Variants in MBNL1 observed in about 807,000 individuals in gnomAD.
MBNL1 encodes the protein muscleblind like splicing regulator 1.
In MBNL1, 8 loss-of-function variants were observed where a neutral mutation model predicts 42.2. The observed-to-expected ratio is 0.19, with a 90% CI of 0.11 to 0.34. The LOEUF (loss-of-function observed/expected upper bound fraction) is 0.34. Among genes scored for constraint, MBNL1 ranks in the 10% least tolerant of loss-of-function variants. The probability of loss-of-function intolerance (pLI) is 1.00; values close to 1 mark genes in which losing one functional copy is unlikely to be tolerated. For missense variants in MBNL1, 309 were observed against 495.3 expected, an observed-to-expected ratio of 0.62 and a Z score of 3.57; for synonymous variants, 169 against 173.9, an observed-to-expected ratio of 0.97 and a Z score of 0.22.
chr3:152,435,407 T>C (rs2099065669), intron 4 of MBNL1, among the ~76,000 whole-genome samples: 1 of 152,236 alleles, frequency 6.6e-6, no homozygotes, highest in African/African-American at 2.4e-5. Flanking sequence ...GTGTGTCTTT[T>C]TTTGCACCAG....
chr3:152,457,103 G>A (rs971032660), intron 8 of MBNL1, among the ~76,000 whole-genome samples: 9 of 151,936 alleles, frequency 5.9e-5, no homozygotes, highest in Admixed American at 5.9e-4. Flanking sequence ...TAAATTTTAT[G>A]ATATACAATA....
At chr3:152,430,165 T>C (rs138950909) in intron 3 of MBNL1, among the ~76,000 whole-genome samples, 2,586 of 152,352 alleles carry the variant, frequency 0.017, 73 homozygotes, top group African/African-American at 0.059. Context: ...CTGCATCATA[T>C]GCATTTTTAG....
intron 4 of MBNL1, among the ~76,000 whole-genome samples, chr3:152,436,721 T>G (rs1156512883): frequency 2.0e-5 from 3 of 152,234 alleles, no homozygotes; most frequent in African/African-American, 7.2e-5. Flanking sequence ...GGTTATATTT[T>G]GTAGTGCTTA....
intron 1 of MBNL1, among the ~76,000 whole-genome samples, chr3:152,288,713 A>G (rs751263992): frequency 2.0e-5 from 3 of 152,192 alleles, no homozygotes; most frequent in South Asian, 2.1e-4. Flanking sequence ...TTTATTGTCT[A>G]TTTTGATACC....
At chr3:152,363,946 T>C (rs1283933819) in intron 2 of MBNL1, among the ~76,000 whole-genome samples, 1 of 152,170 alleles carries the variant, frequency 6.6e-6, no homozygotes, top group Non-Finnish European at 1.5e-5. Context: ...TCATACTCTT[T>C]CTGAAACAAA....
At chr3:152,433,354 G>T (rs1401027553) in intron 4 of MBNL1, among the ~76,000 whole-genome samples, 1 of 152,136 alleles carries the variant, frequency 6.6e-6, no homozygotes, top group Non-Finnish European at 1.5e-5. Context: ...ACAAATATTA[G>T]TGTCTATAAA....
At chr3:152,381,283 C>A (rs1411920563) in intron 2 of MBNL1, among the ~76,000 whole-genome samples, 1 of 151,826 alleles carries the variant, frequency 6.6e-6, no homozygotes, top group African/African-American at 2.4e-5. Context: ...TATAGCTTTC[C>A]TTATTAGACT....
chr3:152,450,823 T>C (rs939909608), intron 6 of MBNL1, among the ~76,000 whole-genome samples: 2 of 152,240 alleles, frequency 1.3e-5, no homozygotes, highest in East Asian at 1.9e-4. Flanking sequence ...GACATTTGTA[T>C]GTTTATATGT....
chr3:152,388,330 G>C (rs2097536347), intron 2 of MBNL1, among the ~76,000 whole-genome samples: 1 of 152,190 alleles, frequency 6.6e-6, no homozygotes, highest in South Asian at 2.1e-4. Context: ...ATTTACAAAG[G>C]TCCGTGGAAC....
rs2153627600 is a variant in MBNL1 at position 152,411,796 on chromosome 3, T to G, written c.175-3145T>G. 1.3e-5 allele frequency among the ~76,000 whole-genome samples: 2 copies of G among 152,334 alleles called. 1 individual carries two copies. Among genetic ancestry groups the G allele is most frequent in the South Asian group, 4.1e-4 (2 of 4,830 alleles). On this transcript the variant is annotated intron_variant, in intron 2 of 9. Transcript: ENST00000324210. ...ACCTGGTGAAACTTACAAACCTGCT[T>G]CTGTTTCCTTTTTTTCTTTTATGTG...
intron 2 of MBNL1, among the ~76,000 whole-genome samples, chr3:152,408,093 A>G (rs1485433006): frequency 6.6e-6 from 1 of 152,150 alleles, no homozygotes; most frequent in African/African-American, 2.4e-5. Flanking sequence ...ACTGTGGCAC[A>G]TGTTTTCCTA....
At chr3:152,274,272 A>AT (rs1203705940) in intron 1 of MBNL1, among the ~76,000 whole-genome samples, 1 of 152,182 alleles carries the variant, frequency 6.6e-6, no homozygotes, top group Non-Finnish European at 1.5e-5. Context: ...GACTTGAAAT[A>AT]TTATTCTATC....
At chr3:152,336,095 C>G (rs1039639584) in intron 2 of MBNL1, among the ~76,000 whole-genome samples, 1 of 152,112 alleles carries the variant, frequency 6.6e-6, no homozygotes, top group African/African-American at 2.4e-5. Flanking sequence ...CGATGCTTAA[C>G]AACAGTTATG....
chr3:152,391,499 A>G (rs890620662), intron 2 of MBNL1, among the ~76,000 whole-genome samples: 2 of 151,918 alleles, frequency 1.3e-5, no homozygotes, highest in Non-Finnish European at 1.5e-5. Context: ...TGTTATTTGC[A>G]TTTGAAAACT....
intron 3 of MBNL1, among the ~76,000 whole-genome samples, chr3:152,428,403 A>G (rs1190225259): frequency 6.6e-6 from 1 of 152,188 alleles, no homozygotes; most frequent in Non-Finnish European, 1.5e-5. Context: ...TGATTCGAGT[A>G]ATTAGGAGTT....
intron 2 of MBNL1, among the ~76,000 whole-genome samples, chr3:152,334,135 G>A (rs2152704598): frequency 6.6e-6 from 1 of 152,326 alleles, no homozygotes; most frequent in Middle Eastern, 3.4e-3. Flanking sequence ...ACACTGTGAT[G>A]CAATACTTTT....
intron 2 of MBNL1, among the ~76,000 whole-genome samples, chr3:152,302,952 C>G (rs1449569933): frequency 1.3e-5 from 2 of 151,616 alleles, no homozygotes; most frequent in African/African-American, 4.9e-5. Flanking sequence ...CTGCTTCAGA[C>G]TTTGGCCAGG....
intron 1 of MBNL1, among the ~76,000 whole-genome samples, chr3:152,287,965 C>G (rs968366718): frequency 6.6e-6 from 1 of 152,108 alleles, no homozygotes; most frequent in African/African-American, 2.4e-5. Flanking sequence ...CTCATGCTCC[C>G]TTATAGTTTC....
upstream of MBNL1, chr3:152,267,645 G>A (rs2037591084): frequency 6.6e-6 from 1 of 152,186 alleles, no homozygotes; most frequent in African/African-American, 2.4e-5. Flanking sequence ...AACGATTAAC[G>A]CTGGGAAGAG....
Sources: allele counts gnomAD v4.1 joint callset (sites outside exome capture counted in the v4.1 genomes callset), GRCh38; gene constraint gnomAD v4.1.1; transcripts MANE v1.5; gene names NCBI Gene and HGNC (gene_info 2026-07-23, HGNC 2026-07-21).